The following EPHB1 variants were observed in gnomAD, a reference collection of about 807,000 sequenced individuals.
EPHB1 encodes EPH receptor B1, also known as ephrin type-B receptor 1.
EPHB1 carries 30 observed loss-of-function variants against 94.4 expected under a neutral mutation model. The ratio of observed to expected loss-of-function variants is 0.32; its 90% CI spans 0.24 to 0.43. The LOEUF (loss-of-function observed/expected upper bound fraction) is 0.43, where lower values mean the gene tolerates loss of function less well. EPHB1 is among the 20% of genes least tolerant of loss of function. The probability of loss-of-function intolerance (pLI) is 1.00; values close to 1 mark genes in which losing one functional copy is unlikely to be tolerated. For missense variants in EPHB1, 1,055 were observed against 1,308.3 expected, an observed-to-expected ratio of 0.81 and a Z score of 2.99; for synonymous variants, 522 against 489.1, an observed-to-expected ratio of 1.07 and a Z score of -0.89.
intron 1 of EPHB1, among the ~76,000 whole-genome samples, chr3:134,798,958 C>A (rs1319333691): frequency 6.6e-6 from 1 of 152,238 alleles, no homozygotes; most frequent in Non-Finnish European, 1.5e-5. Flanking sequence ...GATGGGAATA[C>A]TCCCAGGAGA....
chr3:134,933,683 A>T (rs534096064), intron 2 of EPHB1, among the ~76,000 whole-genome samples: 17 of 152,316 alleles, frequency 1.1e-4, no homozygotes, highest in Admixed American at 4.6e-4. Flanking sequence ...CTAAGGTCTC[A>T]TGGTGAAAAA....
chr3:134,824,868 C>T (rs986316069), intron 1 of EPHB1, among the ~76,000 whole-genome samples: 1 of 152,180 alleles, frequency 6.6e-6, no homozygotes, highest in African/African-American at 2.4e-5. Flanking sequence ...AACTGCCAGC[C>T]ATGTGAGTGG....
intron 1 of EPHB1, among the ~76,000 whole-genome samples, chr3:134,893,913 CTG>C (rs1373150010): frequency 6.6e-6 from 1 of 152,236 alleles, no homozygotes; most frequent in Non-Finnish European, 1.5e-5. Flanking sequence ...TGTGGCCAAA[CTG>C]TGGACCCAAC....
At chr3:135,228,506 A>G (rs1427688358) in intron 12 of EPHB1, among the ~76,000 whole-genome samples, 1 of 152,166 alleles carries the variant, frequency 6.6e-6, no homozygotes, top group Non-Finnish European at 1.5e-5. Flanking sequence ...CCATTTTCAC[A>G]TCCTCTTCCT....
chr3:135,041,518 A>G (rs1022729383), intron 3 of EPHB1, among the ~76,000 whole-genome samples: 2 of 152,240 alleles, frequency 1.3e-5, no homozygotes, highest in Non-Finnish European at 2.9e-5. Flanking sequence ...GTTCACCCCT[A>G]TGAAAATGAA....
At chr3:135,029,290 CG>C (rs1052830367) in intron 3 of EPHB1, among the ~76,000 whole-genome samples, 4 of 151,736 alleles carry the variant, frequency 2.6e-5, no homozygotes, top group Non-Finnish European at 5.9e-5. Flanking sequence ...TCATTTTGCT[CG>C]TTAGTTGATG....
intron 5 of EPHB1, among the ~76,000 whole-genome samples, chr3:135,146,390 G>T (rs1200701693): frequency 1.3e-5 from 2 of 152,250 alleles, no homozygotes; most frequent in Non-Finnish European, 2.9e-5. Context: ...AAGAGAGTTA[G>T]GATGGTAAGT....
intron 12 of EPHB1, among the ~76,000 whole-genome samples, chr3:135,224,985 C>G (rs1943359907): frequency 6.6e-6 from 1 of 152,216 alleles, no homozygotes; most frequent in African/African-American, 2.4e-5. Context: ...CCATCACTCT[C>G]TGCTCTGCCT....
At chr3:134,799,303 T>C (rs2035890768) in intron 1 of EPHB1, among the ~76,000 whole-genome samples, 2 of 152,222 alleles carry the variant, frequency 1.3e-5, no homozygotes, top group Admixed American at 1.3e-4. Context: ...TAATATTTGT[T>C]TGCTGTGTGT....
At chr3:135,113,151 C>T (rs545652507) in intron 4 of EPHB1, among the ~76,000 whole-genome samples, 3 of 152,220 alleles carry the variant, frequency 2.0e-5, no homozygotes, top group Admixed American at 6.5e-5. Flanking sequence ...TTTGGGTCCC[C>T]GCCCCATGCT....
intron 3 of EPHB1, among the ~76,000 whole-genome samples, chr3:135,038,373 C>T (rs1335216937): frequency 6.6e-6 from 1 of 152,214 alleles, no homozygotes; most frequent in South Asian, 2.1e-4. Context: ...GCTGCTTCCT[C>T]TTTGGTCAGT....
intron 1 of EPHB1, among the ~76,000 whole-genome samples, chr3:134,876,952 T>G (rs1224472369): frequency 6.6e-6 from 1 of 152,116 alleles, no homozygotes; most frequent in East Asian, 1.9e-4. Flanking sequence ...TGGAATGAAT[T>G]TTTCCTCATG....
rs573115252 is a variant in EPHB1 at position 134,918,928 on chromosome 3, A to G, written c.59-6888A>G. Among the ~76,000 whole-genome samples, 22 of 152,304 alleles carry G rather than the reference A, an allele frequency of 1.4e-4. No homozygotes were observed. In the South Asian group the frequency reaches 4.3e-3, roughly 30 times the overall value. On this transcript the variant is annotated intron_variant, in intron 1 of 15. Transcript: ENST00000398015. Reference sequence around the variant, plus strand: ...AGCCTTTCTTTAGTGTGGCCATATTACTCTTTAAAAAGCTGAACTATTTAC... The same window carrying G: ...AGCCTTTCTTTAGTGTGGCCATATTGCTCTTTAAAAAGCTGAACTATTTAC...
chr3:135,125,482 T>C (rs1378769089), intron 4 of EPHB1, among the ~76,000 whole-genome samples: 1 of 152,142 alleles, frequency 6.6e-6, no homozygotes, highest in Non-Finnish European at 1.5e-5. Context: ...GTTGAGGGAA[T>C]GATGGAAAAG....
At chr3:134,895,042 A>G (rs1445142131) in intron 1 of EPHB1, among the ~76,000 whole-genome samples, 1 of 152,222 alleles carries the variant, frequency 6.6e-6, no homozygotes, top group Non-Finnish European at 1.5e-5. Context: ...TCACTCTCTC[A>G]TGCACAACCA....
At chr3:135,091,633 G>A (rs1463912554) in intron 3 of EPHB1, among the ~76,000 whole-genome samples, 2 of 152,212 alleles carry the variant, frequency 1.3e-5, no homozygotes, top group African/African-American at 4.8e-5. Flanking sequence ...GGGTGAGGAA[G>A]CCTGGAAAGG....
chr3:134,919,521 C>T (rs2038635671), intron 1 of EPHB1, among the ~76,000 whole-genome samples: 1 of 152,190 alleles, frequency 6.6e-6, no homozygotes, highest in Non-Finnish European at 1.5e-5. Flanking sequence ...GTACAGGCAG[C>T]AGGAGGTCCG....
chr3:135,167,691 C>T (rs778956710), intron 9 of EPHB1, among the ~76,000 whole-genome samples: 3 of 152,194 alleles, frequency 2.0e-5, no homozygotes, highest in Non-Finnish European at 4.4e-5. Context: ...ATTTGGGCCA[C>T]CTTCCTGCCT....
At chr3:135,003,797 T>C (rs1184913723) in intron 3 of EPHB1, among the ~76,000 whole-genome samples, 1 of 152,010 alleles carries the variant, frequency 6.6e-6, no homozygotes, top group Non-Finnish European at 1.5e-5. Flanking sequence ...CCTTTTTTTG[T>C]TTTCCATTTG....
Sources: gnomAD v4.1 joint callset for allele counts (sites outside exome capture counted in the v4.1 genomes callset) on GRCh38, gnomAD v4.1.1 for gene constraint, MANE v1.5 for transcripts, NCBI Gene and HGNC (gene_info 2026-07-23, HGNC 2026-07-21) for gene names.